HDAC9: variants seen among roughly 807,000 people sequenced by gnomAD.
The protein encoded by HDAC9 is histone deacetylase 9, also known as MEF-2 interacting transcription repressor (MITR) protein.
In HDAC9, 41 loss-of-function variants were observed where a neutral mutation model predicts 139.4. The ratio of observed to expected loss-of-function variants is 0.29; its 90% confidence interval spans 0.23 to 0.38. The LOEUF (loss-of-function observed/expected upper bound fraction) is 0.38. HDAC9 is among the 10% of genes least tolerant of loss of function. HDAC9 has a pLI of 1.00. For missense variants in HDAC9, 1,147 were observed against 1,297.0 expected (o/e 0.88, Z 1.78); for synonymous variants, 517 against 476.2 (o/e 1.09, Z -1.12).
intron 1 of HDAC9, among the ~76,000 whole-genome samples, chr7:18,485,990 C>T (rs1795943936): frequency 6.6e-6 from 1 of 152,144 alleles, no homozygotes; most frequent in Non-Finnish European, 1.5e-5. Flanking sequence ...ATTTACAGTT[C>T]TGGAGGCTGG....
chr7:18,905,987 C>A (rs991558534), intron 22 of HDAC9, among the ~76,000 whole-genome samples: 13 of 149,800 alleles, frequency 8.7e-5, no homozygotes, highest in African/African-American at 3.0e-4. Context: ...CTCCTTCCTT[C>A]CTTCTCTCTC....
chr7:18,658,420 A>C (rs1256612049), intron 11 of HDAC9, among the ~76,000 whole-genome samples: 1 of 152,162 alleles, frequency 6.6e-6, no homozygotes, highest in East Asian at 1.9e-4. Context: ...GAGGAAAAAA[A>C]ATTTAATTGC....
chr7:18,151,150 C>T (rs1336721963), intron 1 of HDAC9, among the ~76,000 whole-genome samples: 3 of 151,992 alleles, frequency 2.0e-5, no homozygotes, highest in Non-Finnish European at 4.4e-5. Context: ...ATAGAAATTG[C>T]CTTCAATTAA....
chr7:18,798,502 T>G (rs1049548138), intron 17 of HDAC9, among the ~76,000 whole-genome samples: 3 of 152,194 alleles, frequency 2.0e-5, no homozygotes, highest in African/African-American at 7.2e-5. Flanking sequence ...ACAGCCTGCA[T>G]TCTTAGCATA....
chr7:18,938,770 A>ATTGC lies in HDAC9; in HGVS notation c.2937+2828_2937+2829insTTGC, dbSNP rs1268315510. On this transcript the variant is annotated intron_variant, in intron 23 of 25. Coordinates refer to ENST00000686413, the MANE Select transcript of HDAC9 (RefSeq NM_178425.4). ...ACCAACTGGTCAGAGTTTGAACATT[A>ATTGC]ATAATCTACTGCATATTGCAAAAGA... Among the ~76,000 whole-genome samples the ATTGC allele has an allele frequency of 2.6e-5, 4 of 152,238 alleles. No homozygotes were observed. The East Asian group carries it at 7.7e-4, about 29-fold the overall frequency.
chr7:18,273,089 A>G (rs28410383), intron 2 of HDAC9, among the ~76,000 whole-genome samples: 50,412 of 108,722 alleles, frequency 0.46, 12,077 homozygotes, highest in Admixed American at 0.6. Context: ...TTTTTGAACA[A>G]GACAGGATGT....
At chr7:18,292,733 C>T (rs1396824008) in intron 1 of HDAC9, among the ~76,000 whole-genome samples, 2 of 152,066 alleles carry the variant, frequency 1.3e-5, no homozygotes, top group African/African-American at 2.4e-5. Context: ...TTTTTGAGAA[C>T]ATGGAGTGCT....
chr7:18,162,256 C>G, exon 2 of HDAC9: 1 of 1,418,220 alleles, frequency 7.1e-7, no homozygotes, highest in East Asian at 2.5e-5. Flanking sequence ...CCCTCCTGGA[C>G]CATTGTCAGC....
intron 2 of HDAC9, among the ~76,000 whole-genome samples, chr7:18,180,270 CACA>C (rs1789314636): frequency 1.3e-5 from 2 of 150,186 alleles, no homozygotes; most frequent in South Asian, 2.1e-4. Flanking sequence ...CACACACACA[CACA>C]CCACATTCTT....
chr7:18,856,146 A>T (rs1035104732), intron 21 of HDAC9, among the ~76,000 whole-genome samples: 1 of 152,094 alleles, frequency 6.6e-6, no homozygotes, highest in African/African-American at 2.4e-5. Flanking sequence ...TGCTCTTATA[A>T]TATTTTGGTC....
chr7:18,907,318 G>T (rs890236882), intron 22 of HDAC9, among the ~76,000 whole-genome samples: 19 of 152,120 alleles, frequency 1.2e-4, no homozygotes, highest in African/African-American at 4.6e-4. Flanking sequence ...ATAGAACAAT[G>T]CCCAGAACAA....
chr7:18,325,683 A>G (rs949934140), intron 1 of HDAC9: 2 of 151,880 alleles, frequency 1.3e-5, no homozygotes, highest in South Asian at 4.2e-4. Context: ...AATCTAAGCA[A>G]AAAAAAATAA....
intron 2 of HDAC9, among the ~76,000 whole-genome samples, chr7:18,575,445 A>G (rs1405181745): frequency 6.6e-6 from 1 of 152,270 alleles, no homozygotes; most frequent in Non-Finnish European, 1.5e-5. Context: ...TATTATTTAA[A>G]TAATTCACGG....
chr7:18,871,695 C>T (rs768485169), intron 21 of HDAC9, among the ~76,000 whole-genome samples: 1 of 151,988 alleles, frequency 6.6e-6, no homozygotes, highest in African/African-American at 2.4e-5. Flanking sequence ...TTTCCTACTT[C>T]GTACCCTCAA....
chr7:18,294,568 G>C (rs966703565), intron 1 of HDAC9, among the ~76,000 whole-genome samples: 1 of 152,132 alleles, frequency 6.6e-6, no homozygotes, highest in Non-Finnish European at 1.5e-5. Flanking sequence ...GTAAAGGTCA[G>C]CATGGCTGAA....
intron 2 of HDAC9, among the ~76,000 whole-genome samples, chr7:18,578,936 T>G (rs1418393221): frequency 6.6e-6 from 1 of 152,216 alleles, no homozygotes; most frequent in Non-Finnish European, 1.5e-5. Context: ...GATAACTTCC[T>G]AATCAGTATT....
chr7:18,404,102 A>G (rs761397165), intron 1 of HDAC9, among the ~76,000 whole-genome samples: 11 of 152,244 alleles, frequency 7.2e-5, no homozygotes, highest in African/African-American at 9.6e-5. Context: ...TCAGAAATCA[A>G]TAAGGATGAG....
chr7:18,848,753 A>G (rs1353221265), intron 21 of HDAC9, among the ~76,000 whole-genome samples: 2 of 152,138 alleles, frequency 1.3e-5, no homozygotes, highest in Non-Finnish European at 2.9e-5. Flanking sequence ...CCACTAATGG[A>G]CTTAAATTAC....
At chr7:18,699,380 G>T (rs900141092) in intron 12 of HDAC9, among the ~76,000 whole-genome samples, 78 of 152,030 alleles carry the variant, frequency 5.1e-4, no homozygotes, top group African/African-American at 1.8e-3. Context: ...GTGTGTGCGT[G>T]TACGTGTGTT....
Sources: gnomAD v4.1 joint callset for allele counts (sites outside exome capture counted in the v4.1 genomes callset) on GRCh38, gnomAD v4.1.1 for gene constraint, MANE v1.5 for transcripts, NCBI Gene and HGNC (gene_info 2026-07-23, HGNC 2026-07-21) for gene names.